KDM2A: variants seen among roughly 807,000 people sequenced by gnomAD.
The protein encoded by KDM2A is lysine demethylase 2A.
A neutral mutation model predicts 137.3 loss-of-function variants in KDM2A; 3 were observed. The ratio of observed to expected loss-of-function variants is 0.02; its 90% CI spans 0.01 to 0.06. The LOEUF (loss-of-function observed/expected upper bound fraction) is 0.06, where lower values mean the gene tolerates loss of function less well. Ranked by LOEUF, KDM2A falls within the 10% of genes least tolerant of loss-of-function variation. The pLI is 1.00. For synonymous variants in KDM2A, 512 were observed against 541.5 expected (o/e 0.95, Z 0.76); for missense variants, 738 against 1,510.6 (o/e 0.49, Z 8.48).
chr11:67,167,597 TC>T (rs1299658454), intron 2 of KDM2A, among the ~76,000 whole-genome samples: 1 of 152,108 alleles, frequency 6.6e-6, no homozygotes, highest in Non-Finnish European at 1.5e-5. Context: ...TTTTTTTTTT[TC>T]CTTAAAGGTC....
intron 10 of KDM2A, among the ~76,000 whole-genome samples, chr11:67,223,869 T>C (rs1474796267): frequency 6.6e-6 from 1 of 152,244 alleles, no homozygotes; most frequent in African/African-American, 2.4e-5. Flanking sequence ...TATTTAATTT[T>C]GAGGGACCAA....
chr11:67,229,228 T>G (rs1858637931), intron 11 of KDM2A, among the ~76,000 whole-genome samples: 1 of 152,214 alleles, frequency 6.6e-6, no homozygotes, highest in African/African-American at 2.4e-5. Context: ...TAAAAACTTG[T>G]CCATGATCTT....
chr11:67,240,189 A>G, intron 12 of KDM2A: 1 of 1,530,636 alleles, frequency 6.5e-7, no homozygotes, highest in Non-Finnish European at 8.7e-7. Context: ...GAAGGGTCAG[A>G]GCTGGACTGC....
chr11:67,143,020 C>CT (rs1194089199), intron 2 of KDM2A, among the ~76,000 whole-genome samples: 10,094 of 126,400 alleles, frequency 0.08, 1,523 homozygotes, highest in African/African-American at 0.28. Context: ...TATATCTATT[C>CT]TTTTTTTTTT....
intron 2 of KDM2A, among the ~76,000 whole-genome samples, chr11:67,142,931 AT>A (rs1452517173): frequency 6.6e-6 from 1 of 151,584 alleles, no homozygotes; most frequent in Non-Finnish European, 1.5e-5. Flanking sequence ...TTTTATCTCT[AT>A]CTTCTACTCC....
chr11:67,138,569 T>G (rs1856021975), intron 2 of KDM2A, among the ~76,000 whole-genome samples: 1 of 151,848 alleles, frequency 6.6e-6, no homozygotes, highest in Admixed American at 6.6e-5. Flanking sequence ...TCAGCAGAGG[T>G]CAGGAGTTCG....
At chr11:67,167,577 C>T (rs1264386309) in intron 2 of KDM2A, among the ~76,000 whole-genome samples, 1 of 149,712 alleles carries the variant, frequency 6.7e-6, no homozygotes, top group Admixed American at 6.6e-5. Context: ...ATTCTGCCTT[C>T]ACAGCTATCT....
At chr11:67,209,731 A>G (rs1857921414) in intron 6 of KDM2A, among the ~76,000 whole-genome samples, 1 of 152,150 alleles carries the variant, frequency 6.6e-6, no homozygotes, top group South Asian at 2.1e-4. Flanking sequence ...GGTGTGAGCC[A>G]CTGTACCCGG....
intron 5 of KDM2A, chr11:67,195,928 C>CA (rs1167258089): frequency 2.4e-6 from 1 of 412,878 alleles, no homozygotes; most frequent in Non-Finnish European, 4.9e-6. Flanking sequence ...CTACCACTTA[C>CA]AGCAACTTTC....
chr11:67,219,237 C>G (rs1590797893), intron 9 of KDM2A, 51 bp from the exon 10 acceptor site: 1 of 859,690 alleles, frequency 1.2e-6, no homozygotes, highest in Non-Finnish European at 1.8e-6. Context: ...CTGAGAGAGA[C>G]TTACTGTAAT....
At chr11:67,234,107 G>A (rs1051308552) in intron 12 of KDM2A, among the ~76,000 whole-genome samples, 2 of 152,214 alleles carry the variant, frequency 1.3e-5, no homozygotes, top group Non-Finnish European at 2.9e-5. Flanking sequence ...TTTCACTTAA[G>A]ATCAAATAGA....
intron 2 of KDM2A, among the ~76,000 whole-genome samples, chr11:67,141,300 G>C (rs184020112): frequency 7.2e-5 from 11 of 152,064 alleles, no homozygotes; most frequent in Admixed American, 3.3e-4. Context: ...AGAGTATTTG[G>C]GGCATCTTAT....
chr11:67,235,663 C>T (rs1590814742), intron 12 of KDM2A, among the ~76,000 whole-genome samples: 2 of 151,652 alleles, frequency 1.3e-5, no homozygotes. Flanking sequence ...GCTCTGTCAC[C>T]TAGGCTGGGG....
intron 2 of KDM2A, among the ~76,000 whole-genome samples, chr11:67,158,383 G>A (rs1263009214): frequency 1.3e-5 from 2 of 152,204 alleles, no homozygotes; most frequent in African/African-American, 2.4e-5. Context: ...AAGCCGCTCT[G>A]AATATTTATG....
At chr11:67,130,706 ATACT>A (rs906800079) in intron 2 of KDM2A, among the ~76,000 whole-genome samples, 1 of 152,132 alleles carries the variant, frequency 6.6e-6, no homozygotes, top group African/African-American at 2.4e-5. Context: ...TTTTGGAATA[ATACT>A]TTATTTTTGC....
intron 10 of KDM2A, among the ~76,000 whole-genome samples, chr11:67,220,924 C>G (rs761399699): frequency 6.6e-6 from 1 of 150,894 alleles, no homozygotes; most frequent in African/African-American, 2.4e-5. Context: ...TTATATAGTT[C>G]ATGATCATGA....
intron 2 of KDM2A, among the ~76,000 whole-genome samples, chr11:67,147,778 A>AGTAG (rs1437805477): frequency 6.6e-6 from 1 of 151,472 alleles, no homozygotes; most frequent in African/African-American, 2.4e-5. Context: ...CCTGGGTTCA[A>AGTAG]GCGATTCTCC....
At chr11:67,212,214 G>A (rs1032592921) in intron 6 of KDM2A, among the ~76,000 whole-genome samples, 8 of 152,262 alleles carry the variant, frequency 5.3e-5, no homozygotes, top group Non-Finnish European at 8.8e-5. Context: ...GGAGAATTAG[G>A]GGAAGCTCTT....
intron 15 of KDM2A, among the ~76,000 whole-genome samples, chr11:67,247,422 C>CTTTTTT (rs56012601): frequency 5.9e-5 from 5 of 84,512 alleles, no homozygotes; most frequent in Admixed American, 1.8e-4. Flanking sequence ...GCATTACAAT[C>CTTTTTT]TTTTTTTTTT....
Sources: gnomAD v4.1 joint callset for allele counts (sites outside exome capture counted in the v4.1 genomes callset) on GRCh38, gnomAD v4.1.1 for gene constraint, MANE v1.5 for transcripts, NCBI Gene and HGNC (gene_info 2026-07-23, HGNC 2026-07-21) for gene names.